HMGN5: variants seen among roughly 807,000 people sequenced by gnomAD.
The protein encoded by HMGN5 is high mobility group nucleosome-binding domain-containing protein 5.
A neutral mutation model predicts 9.5 loss-of-function variants in HMGN5; 4 were observed. The observed-to-expected ratio is 0.42, with a 90% CI of 0.21 to 0.96. HMGN5 has a LOEUF of 0.96. Ranked by LOEUF, HMGN5 falls within the 40% of genes least tolerant of loss-of-function variation. The pLI is 0.30. For synonymous variants in HMGN5, 55 were observed against 57.1 expected (o/e 0.96, Z 0.16); for missense variants, 192 against 187.5 (o/e 1.02, Z -0.14).
chrX:81,135,258 T>A (rs1003536131), intron 1 of HMGN5, among the ~76,000 whole-genome samples: 1 of 111,329 alleles, frequency 9.0e-6, no homozygotes, highest in African/African-American at 3.3e-5. Context: ...TATAAAGAAC[T>A]CTCACATCTC....
chrX:81,157,473 G>A (rs912333672), intron 1 of HMGN5, among the ~76,000 whole-genome samples: 1 of 111,515 alleles, frequency 9.0e-6, no homozygotes, highest in Admixed American at 9.5e-5. Context: ...TGTCGAAAGC[G>A]TTTCCTTGAA....
chrX:81,139,342 A>C (rs1282554924), intron 1 of HMGN5, among the ~76,000 whole-genome samples: 1 of 111,808 alleles, frequency 8.9e-6, no homozygotes, highest in Non-Finnish European at 1.9e-5. Context: ...AATAAATGAT[A>C]CTAGAACAAC....
chrX:81,159,884 C>A (rs2075393873), intron 1 of HMGN5, among the ~76,000 whole-genome samples: 1 of 111,227 alleles, frequency 9.0e-6, no homozygotes, highest in African/African-American at 3.3e-5. Flanking sequence ...AAAAGGAGTA[C>A]TTTTTCTTTA....
intron 1 of HMGN5, among the ~76,000 whole-genome samples, chrX:81,176,874 G>A (rs746259300): frequency 9.0e-6 from 1 of 111,408 alleles, no homozygotes; most frequent in Admixed American, 9.6e-5. Flanking sequence ...TATTGTCCAG[G>A]AGAACTTCCC....
chrX:81,201,261 A>G (rs1451083508), intron 1 of HMGN5, among the ~76,000 whole-genome samples: 1 of 109,133 alleles, frequency 9.2e-6, no homozygotes, highest in Non-Finnish European at 1.9e-5. Context: ...CTAAAACTAC[A>G]CTTTGAAGTA....
rs757198905 is a variant in HMGN5, at chrX:81,174,133, TA to T, written c.-124+27603del. Among the ~76,000 whole-genome samples the T allele has an allele frequency of 3.6e-5, 4 of 111,391 alleles. No individual in the cohort carries two copies. The Admixed American group carries it at 3.8e-4, about 11-fold the overall frequency. On this transcript the variant is annotated intron_variant, in intron 1 of 6. Coordinates refer to ENST00000358130, the MANE Select transcript of HMGN5 (RefSeq NM_030763.3). ...TTATAGGAAAATAAGAAATAAATCT[TA>T]AAAAAATGTTTATTACACTTATGTG...
At position 81,155,102 on chromosome X, in the gene HMGN5, T is replaced by TATATATATATATATATATAC. The variant is rs1407923805; in HGVS notation, c.-123-33431_-123-33430insGTATATATATATATATATAT. Among the ~76,000 whole-genome samples the TATATATATATATATATATAC allele has an allele frequency of 5.5e-4, 50 of 91,000 alleles. 1 individual carries two copies. The highest frequency in any genetic ancestry group is 1.9e-3 in the African/African-American group (48 of 24,850). 79.0% of individuals were successfully genotyped at this position (91,000 alleles called of 115,157 possible). A position where few individuals can be genotyped will look rare whatever the true frequency, so the allele number is the denominator to read the frequency against. On this transcript the variant is annotated intron_variant, in intron 1 of 6. Coordinates refer to ENST00000358130, the MANE Select transcript of HMGN5 (RefSeq NM_030763.3). ...ATATATATATATATATATATATATA[T>TATATATATATATATATATAC]ACACACACACATACACATATATATA...
At chrX:81,149,337 A>T (rs992596636) in intron 1 of HMGN5, among the ~76,000 whole-genome samples, 1 of 111,539 alleles carries the variant, frequency 9.0e-6, no homozygotes. Flanking sequence ...AGGGACATGG[A>T]TGAAGCTGGA....
intron 1 of HMGN5, among the ~76,000 whole-genome samples, chrX:81,201,413 A>G (rs1359949065): frequency 9.0e-6 from 1 of 111,476 alleles, no homozygotes; most frequent in Non-Finnish European, 1.9e-5. Flanking sequence ...AAAGCAAAAC[A>G]AAACAAAAAT....
chrX:81,180,365 C>T (rs1161613883), intron 1 of HMGN5, among the ~76,000 whole-genome samples: 1 of 111,493 alleles, frequency 9.0e-6, no homozygotes, highest in Non-Finnish European at 1.9e-5. Flanking sequence ...AAGAAAAAAA[C>T]AACTCCATCA....
intron 1 of HMGN5, among the ~76,000 whole-genome samples, chrX:81,153,111 AT>A (rs2075369100): frequency 9.2e-6 from 1 of 108,502 alleles, no homozygotes; most frequent in South Asian, 4.1e-4. Flanking sequence ...TAACCTGCAC[AT>A]TGTGCACATG....
At chrX:81,179,970 T>G (rs1310047411) in intron 1 of HMGN5, among the ~76,000 whole-genome samples, 1 of 111,878 alleles carries the variant, frequency 8.9e-6, no homozygotes, top group Non-Finnish European at 1.9e-5. Flanking sequence ...CCCTATTTAA[T>G]AAATGGTGCT....
At chrX:81,159,201 G>A (rs1483351075) in intron 1 of HMGN5, among the ~76,000 whole-genome samples, 1 of 110,909 alleles carries the variant, frequency 9.0e-6, no homozygotes, top group Non-Finnish European at 1.9e-5. Flanking sequence ...CATGAGCACA[G>A]GGAGGGGAAC....
chrX:81,153,587 ATATATATATATAT>A (rs2075373693), intron 1 of HMGN5, among the ~76,000 whole-genome samples: 1 of 3,393 alleles, frequency 2.9e-4, no homozygotes, highest in African/African-American at 1.1e-3. Flanking sequence ...CTCTCTCTAT[ATATATATATATAT>A]ATATATATAT....
intron 1 of HMGN5, among the ~76,000 whole-genome samples, chrX:81,168,576 C>A (rs185099012): frequency 9.0e-5 from 10 of 111,487 alleles, no homozygotes; most frequent in Non-Finnish European, 1.7e-4. Flanking sequence ...CACAACAGTA[C>A]TGTCAGTGCT....
At chrX:81,167,839 T>TA (rs1569348779) in intron 1 of HMGN5, among the ~76,000 whole-genome samples, 1 of 112,025 alleles carries the variant, frequency 8.9e-6, no homozygotes, top group Non-Finnish European at 1.9e-5. Flanking sequence ...CTGTGACTAT[T>TA]AAAAAAGAAA....
chrX:81,136,944 G>T (rs1027282907), intron 1 of HMGN5, among the ~76,000 whole-genome samples: 15 of 111,571 alleles, frequency 1.3e-4, no homozygotes, highest in African/African-American at 4.9e-4. Flanking sequence ...AATTACTAGA[G>T]ATAGAGGGAC....
intron 1 of HMGN5, among the ~76,000 whole-genome samples, chrX:81,133,525 C>A (rs1227377914): frequency 9.0e-6 from 1 of 111,417 alleles, no homozygotes; most frequent in Non-Finnish European, 1.9e-5. Context: ...TACTATGCAG[C>A]CATAAAAAAG....
intron 1 of HMGN5, among the ~76,000 whole-genome samples, chrX:81,144,468 A>T (rs1437694066): frequency 8.9e-6 from 1 of 112,014 alleles, no homozygotes; most frequent in Non-Finnish European, 1.9e-5. Context: ...AACAAAAAGG[A>T]TCTACACACA....
Sources: allele counts gnomAD v4.1 joint callset (sites outside exome capture counted in the v4.1 genomes callset), GRCh38; gene constraint gnomAD v4.1.1; transcripts MANE v1.5; gene names NCBI Gene and HGNC (gene_info 2026-07-23, HGNC 2026-07-21).